The following DMD variants were observed in gnomAD, a reference collection of about 807,000 sequenced individuals.
The protein encoded by DMD is dystrophin.
Under a neutral mutation model 330.1 loss-of-function variants are expected in DMD, and 63 were observed. The observed-to-expected ratio is 0.19, with a 90% CI of 0.16 to 0.24. The LOEUF is 0.24. DMD is among the 10% of genes least tolerant of loss of function. The pLI is 1.00. For synonymous variants in DMD, 1,223 were observed against 959.8 expected, an observed-to-expected ratio of 1.27 and a Z score of -5.07; for missense variants, 3,344 against 2,684.1, an observed-to-expected ratio of 1.25 and a Z score of -5.43.
At chrX:33,289,620 T>A (rs1176792248) in intron 1 of DMD, among the ~76,000 whole-genome samples, 1 of 111,829 alleles carries the variant, frequency 8.9e-6, no homozygotes, top group East Asian at 2.8e-4. Flanking sequence ...CATTTTGATA[T>A]CTGTCAACAA....
At chrX:32,723,214 A>C (rs2147930717) in intron 7 of DMD, among the ~76,000 whole-genome samples, 1 of 111,496 alleles carries the variant, frequency 9.0e-6, no homozygotes, top group African/African-American at 3.3e-5. Flanking sequence ...TCTTTCTGTT[A>C]ATGTAGTATG....
rs757253620 is a variant in DMD, at chrX:32,880,023, CA to C, written c.94-30204del. 3.7e-5 allele frequency among the ~76,000 whole-genome samples: 4 copies of C among 106,856 alleles called. No individual in the cohort carries two copies. The East Asian group carries it at 1.3e-3, about 34-fold the overall frequency. The allele number at this position is 106,856 out of a possible 115,157, so 92.8% of individuals were successfully genotyped here. A position where few individuals can be genotyped will look rare whatever the true frequency, so the allele number is the denominator to read the frequency against. On this transcript the variant is annotated intron_variant, in intron 2 of 78. Transcript: ENST00000357033. ...CCACCAAATGTAACTTTCTAATATG[CA>C]AAACATAAAAAAAAACTTCCTGGTT...
chrX:32,997,496 A>G (rs2093155683), intron 2 of DMD, among the ~76,000 whole-genome samples: 1 of 111,829 alleles, frequency 8.9e-6, no homozygotes, highest in African/African-American at 3.3e-5. Context: ...TGCCTGCCTC[A>G]GCCTCCCAAA....
chrX:32,942,613 G>C (rs2090506643), intron 2 of DMD, among the ~76,000 whole-genome samples: 1 of 111,843 alleles, frequency 8.9e-6, no homozygotes, highest in African/African-American at 3.2e-5. Context: ...TAAAGTAGCA[G>C]AGGTAAATTG....
At chrX:31,312,538 A>G (rs1315769570) in intron 62 of DMD, among the ~76,000 whole-genome samples, 3 of 112,679 alleles carry the variant, frequency 2.7e-5, no homozygotes, top group African/African-American at 9.7e-5. Context: ...CCATTGTGGA[A>G]AACAGTATGG....
intron 20 of DMD, among the ~76,000 whole-genome samples, chrX:32,486,420 T>C (rs2042473140): frequency 8.9e-6 from 1 of 111,792 alleles, no homozygotes; most frequent in Admixed American, 9.6e-5. Context: ...CCATTTTAAA[T>C]TACATATGTG....
intron 1 of DMD, among the ~76,000 whole-genome samples, chrX:33,207,898 A>G (rs886958945): frequency 1.8e-5 from 2 of 111,587 alleles, no homozygotes; most frequent in African/African-American, 6.5e-5. Context: ...TATTTCCCAC[A>G]CTGCAGCCCA....
At chrX:32,143,759 C>T (rs1244583966) in intron 44 of DMD, among the ~76,000 whole-genome samples, 1 of 107,627 alleles carries the variant, frequency 9.3e-6, no homozygotes, top group Non-Finnish European at 1.9e-5. Flanking sequence ...ACCGTGTTAG[C>T]CAGGATGGTC....
intron 7 of DMD, among the ~76,000 whole-genome samples, chrX:32,733,243 G>A (rs1308036822): frequency 9.0e-6 from 1 of 110,816 alleles, no homozygotes; most frequent in Non-Finnish European, 1.9e-5. Flanking sequence ...CCCAACAAAG[G>A]AGCACCCAGA....
At chrX:32,147,006 C>G (rs1477475963) in intron 44 of DMD, among the ~76,000 whole-genome samples, 2 of 112,010 alleles carry the variant, frequency 1.8e-5, no homozygotes, top group African/African-American at 6.5e-5. Context: ...GTACCTATAC[C>G]TCTAGAGTTT....
At chrX:31,904,343 C>T (rs1160023818) in intron 47 of DMD, among the ~76,000 whole-genome samples, 1 of 111,477 alleles carries the variant, frequency 9.0e-6, no homozygotes, top group Non-Finnish European at 1.9e-5. Context: ...TGGGAAGACT[C>T]TAAAATGGCA....
chrX:32,474,564 G>A (rs1270495109), intron 21 of DMD, among the ~76,000 whole-genome samples: 1 of 111,879 alleles, frequency 8.9e-6, no homozygotes, highest in Non-Finnish European at 1.9e-5. Context: ...TCTTGCAAGA[G>A]TAAGGTGGTA....
At chrX:31,674,492 T>C (rs1357395424) in intron 53 of DMD, among the ~76,000 whole-genome samples, 1 of 112,368 alleles carries the variant, frequency 8.9e-6, no homozygotes, top group African/African-American at 3.2e-5. Flanking sequence ...CAATATTATA[T>C]AGCCAAATCA....
chrX:31,909,044 T>C (rs1391138863), intron 47 of DMD, among the ~76,000 whole-genome samples: 3 of 112,628 alleles, frequency 2.7e-5, no homozygotes, highest in Non-Finnish European at 5.6e-5. Flanking sequence ...GAAAGTATTG[T>C]TGTAATGTCA....
chrX:32,959,597 A>G (rs1368770136), intron 2 of DMD, among the ~76,000 whole-genome samples: 1 of 111,239 alleles, frequency 9.0e-6, no homozygotes, highest in Non-Finnish European at 1.9e-5. Context: ...TTGACTTGAC[A>G]TCACTGAGAA....
chrX:31,439,696 T>C (rs1350261118), intron 60 of DMD, among the ~76,000 whole-genome samples: 3 of 112,170 alleles, frequency 2.7e-5, no homozygotes, highest in Non-Finnish European at 3.8e-5. Context: ...TACTCATGAG[T>C]AAAGAAAAAT....
At chrX:32,418,640 T>C (rs2098175839) in intron 29 of DMD, among the ~76,000 whole-genome samples, 1 of 111,027 alleles carries the variant, frequency 9.0e-6, no homozygotes, top group Non-Finnish European at 1.9e-5. Context: ...AAGCATGCCA[T>C]AAAAGTATCA....
chrX:31,296,491 G>A (rs757241987), intron 62 of DMD, among the ~76,000 whole-genome samples: 1 of 111,864 alleles, frequency 8.9e-6, no homozygotes, highest in South Asian at 3.8e-4. Context: ...GCAGTATGTA[G>A]AAAGATTCTC....
At chrX:32,532,853 A>G (rs749383934) in intron 17 of DMD, among the ~76,000 whole-genome samples, 3 of 112,054 alleles carry the variant, frequency 2.7e-5, no homozygotes, top group Non-Finnish European at 1.9e-5. Flanking sequence ...CATATAAACA[A>G]AAATCAACAG....
Sources: allele counts gnomAD v4.1 joint callset (sites outside exome capture counted in the v4.1 genomes callset), GRCh38; gene constraint gnomAD v4.1.1; transcripts MANE v1.5; gene names NCBI Gene and HGNC (gene_info 2026-07-23, HGNC 2026-07-21).